The following KPNA6 variants were observed in gnomAD, a reference collection of about 807,000 sequenced individuals.
KPNA6 encodes the protein karyopherin subunit alpha 6, also known as importin subunit alpha-7.
A neutral mutation model predicts 72.0 loss-of-function variants in KPNA6; 9 were observed. The observed-to-expected ratio is 0.13, with a 90% CI of 0.08 to 0.22. The LOEUF (loss-of-function observed/expected upper bound fraction) is 0.22. Among genes scored for constraint, KPNA6 ranks in the 10% least tolerant of loss-of-function variants. The probability of loss-of-function intolerance (pLI) is 1.00; values close to 1 mark genes in which losing one functional copy is unlikely to be tolerated. For missense variants in KPNA6, 374 were observed against 655.7 expected, an observed-to-expected ratio of 0.57 and a Z score of 4.69; for synonymous variants, 219 against 242.1, an observed-to-expected ratio of 0.90 and a Z score of 0.89.
In KPNA6 at chr1:32,173,467, G is replaced by C; in HGVS notation, c.*2573G>C. 5.1e-6 allele frequency: 1 copy of C among 195,612 alleles called. No homozygotes were observed. The highest frequency in any genetic ancestry group is 1.0e-5 in the Non-Finnish European group (1 of 96,802). The allele number at this position is 195,612 out of a possible 1,614,324, so 12.1% of individuals were successfully genotyped here. On this transcript the variant is annotated 3_prime_UTR_variant, in exon 14 of 14. Coordinates refer to ENST00000373625, the MANE Select transcript of KPNA6 (RefSeq NM_012316.5). Reference sequence around the variant, plus strand: ...CTCCAAAGGCTAAAGTCTACTAGGGGCAGAGTGTGAGGATAGATTTCTAAT... The same window carrying C: ...CTCCAAAGGCTAAAGTCTACTAGGGCCAGAGTGTGAGGATAGATTTCTAAT...
intron 1 of KPNA6, among the ~76,000 whole-genome samples, chr1:32,136,207 A>T (rs1641733440): frequency 8.4e-6 from 1 of 118,678 alleles, no homozygotes; most frequent in Admixed American, 8.9e-5. Context: ...ATGGAGTTTC[A>T]CTCTTGTTGC....
chr1:32,152,326 T>C (rs1309125691), intron 1 of KPNA6, among the ~76,000 whole-genome samples: 1 of 151,990 alleles, frequency 6.6e-6, no homozygotes, highest in Non-Finnish European at 1.5e-5. Flanking sequence ...AGGCCCTATC[T>C]CAAAAAATAA....
intron 11 of KPNA6, among the ~76,000 whole-genome samples, chr1:32,166,514 A>G (rs778589978): frequency 2.0e-5 from 3 of 150,848 alleles, no homozygotes; most frequent in South Asian, 2.1e-4. Context: ...AATCTCAGCT[A>G]TTCGGGAGGC....
chr1:32,136,193 T>TTTTTTTTTTTTTTTG (rs1641732867), intron 1 of KPNA6, among the ~76,000 whole-genome samples: 1 of 151,706 alleles, frequency 6.6e-6, no homozygotes, highest in South Asian at 2.1e-4. Context: ...TTTTTTTTTT[T>TTTTTTTTTTTTTTTG]GAGATGGAGT....
intron 1 of KPNA6, among the ~76,000 whole-genome samples, chr1:32,117,601 G>A (rs1641351345): frequency 6.6e-6 from 1 of 152,100 alleles, no homozygotes; most frequent in African/African-American, 2.4e-5. Context: ...ACCAGCCTGG[G>A]CAACATAGTG....
intron 1 of KPNA6, among the ~76,000 whole-genome samples, chr1:32,132,898 G>T (rs545044424): frequency 1.3e-5 from 2 of 151,294 alleles, no homozygotes; most frequent in African/African-American, 4.9e-5. Flanking sequence ...GCGAGACTCC[G>T]TCTCAAAGAA....
At chr1:32,131,784 A>G (rs1051905982) in intron 1 of KPNA6, among the ~76,000 whole-genome samples, 4 of 151,296 alleles carry the variant, frequency 2.6e-5, no homozygotes, top group African/African-American at 9.7e-5. Flanking sequence ...CTTTGGGAGG[A>G]CAAGTCAGGC....
intron 10 of KPNA6, 64 bp from the exon 11 acceptor site, chr1:32,166,041 A>G (rs1236338324): frequency 4.6e-6 from 7 of 1,532,588 alleles, no homozygotes; most frequent in Non-Finnish European, 6.1e-6. Context: ...AACAACAAAA[A>G]AACATAAAAA....
In KPNA6 at chr1:32,170,768, C is replaced by T. The variant is rs757199608; in HGVS notation, c.1485C>T (p.Phe495=). The change falls in exon 14 of 14, where the codon TTC becomes TTT. Residue 495 remains phenylalanine (F), a synonymous_variant. Coordinates refer to ENST00000373625, the MANE Select transcript of KPNA6 (RefSeq NM_012316.5). ...HENQEIYQKA[F]DLIEHYFGVE... is the part of the protein sequence containing the mutation. The stretch of plus-strand genomic sequence containing the variant: ...ACCAGGAGATCTACCAGAAGGCCTT[C>T]GACCTCATTGAGCACTACTTTGGTG... The T allele has an allele frequency of 2.5e-6, 4 of 1,614,176 alleles. No individual in the cohort carries two copies. The highest frequency in any genetic ancestry group is 1.3e-5 in the African/African-American group (1 of 75,038).
chr1:32,128,383 G>GTATT (rs1351458643), intron 1 of KPNA6, among the ~76,000 whole-genome samples: 2 of 33,190 alleles, frequency 6.0e-5, no homozygotes, highest in Non-Finnish European at 1.3e-4. Context: ...TATTATATAT[G>GTATT]TATTTATATA....
chr1:32,165,012 C>T (rs543854712), intron 10 of KPNA6, among the ~76,000 whole-genome samples: 1 of 152,276 alleles, frequency 6.6e-6, no homozygotes, highest in Admixed American at 6.5e-5. Flanking sequence ...AGTCCTTCCA[C>T]CTCAGCCTCC....
chr1:32,150,335 A>G (rs1292808681), intron 1 of KPNA6, among the ~76,000 whole-genome samples: 5 of 150,978 alleles, frequency 3.3e-5, no homozygotes, highest in Non-Finnish European at 7.4e-5. Context: ...CTTTCACCAT[A>G]TTGGCCAGGC....
At chr1:32,158,755 A>C (rs1252807034) in intron 5 of KPNA6, among the ~76,000 whole-genome samples, 1 of 152,202 alleles carries the variant, frequency 6.6e-6, no homozygotes, top group East Asian at 1.9e-4. Flanking sequence ...TTCTATTGAC[A>C]TATCTCTCAG....
rs1180402613 is a variant in KPNA6, at chr1:32,109,822, A to AT, written c.4+1695dup. 5.3e-5 allele frequency among the ~76,000 whole-genome samples: 8 copies of AT among 149,608 alleles called. No individual in the cohort carries two copies. The South Asian group carries it at 1.3e-3, about 24-fold the overall frequency. On this transcript the variant is annotated intron_variant, in intron 1 of 13. Transcript: ENST00000373625. Reference sequence around the variant, plus strand: ...ACCACGCCTGGATAATTTTTTTTGTATTTTTTTGTATTTTTAGTGGAGACG... The same window carrying AT: ...ACCACGCCTGGATAATTTTTTTTGTATTTTTTTTGTATTTTTAGTGGAGACG...
At chr1:32,108,226 T>C (rs1172102281) in intron 1 of KPNA6, 92 bp downstream of exon 1, 1 of 1,555,904 alleles carries the variant, frequency 6.4e-7, no homozygotes, top group East Asian at 2.2e-5. Flanking sequence ...CTGCGGAAGA[T>C]GTCTGCATCC....
At chr1:32,146,492 A>AT in intron 1 of KPNA6, among the ~76,000 whole-genome samples, 1 of 152,040 alleles carries the variant, frequency 6.6e-6, no homozygotes, top group East Asian at 1.9e-4. Flanking sequence ...TTTTTTGGAT[A>AT]TTTCCTAGTG....
intron 3 of KPNA6, 87 bp downstream of exon 3, chr1:32,157,032 T>G (rs1255106457): frequency 1.1e-6 from 1 of 925,406 alleles, no homozygotes; most frequent in East Asian, 2.4e-5. Context: ...ATCTACCAGC[T>G]TTGCCAGTAA....
chr1:32,139,450 CTA>C (rs563027374), intron 1 of KPNA6, among the ~76,000 whole-genome samples: 4 of 151,988 alleles, frequency 2.6e-5, no homozygotes, highest in African/African-American at 9.7e-5. Flanking sequence ...CCAACAATTA[CTA>C]TATATATATG....
At chr1:32,169,739 T>C (rs1422680691) in intron 12 of KPNA6, 143 bp from the exon 13 acceptor site, 1 of 640,822 alleles carries the variant, frequency 1.6e-6, no homozygotes, top group East Asian at 2.9e-5. Flanking sequence ...GGATCACAGG[T>C]GTGAACCACC....
Sources: gnomAD v4.1 joint callset for allele counts (sites outside exome capture counted in the v4.1 genomes callset) on GRCh38, gnomAD v4.1.1 for gene constraint, MANE v1.5 for transcripts, NCBI Gene and HGNC (gene_info 2026-07-23, HGNC 2026-07-21) for gene names.